The following MYT1L variants were observed in gnomAD, a reference collection of about 807,000 sequenced individuals.
MYT1L encodes the protein myelin transcription factor 1 like.
Under a neutral mutation model 126.7 loss-of-function variants are expected in MYT1L, and 12 were observed. The observed-to-expected ratio is 0.09, with a 90% CI of 0.06 to 0.15. MYT1L has a LOEUF of 0.15. Among genes scored for constraint, MYT1L ranks in the 10% least tolerant of loss-of-function variants. MYT1L has a pLI of 1.00. For missense variants in MYT1L, 979 were observed against 1,585.2 expected, an observed-to-expected ratio of 0.62 and a Z score of 6.49; for synonymous variants, 541 against 604.2, an observed-to-expected ratio of 0.90 and a Z score of 1.53.
In MYT1L at chr2:1,830,747, G is replaced by A. The variant is rs537355300; in HGVS notation, c.3080+8402C>T. Among the ~76,000 whole-genome samples, 14 of 152,232 alleles carry A rather than the reference G, an allele frequency of 9.2e-5. No homozygotes were observed. The South Asian group carries it at 2.7e-3, about 29-fold the overall frequency. On this transcript the variant is annotated intron_variant, in intron 21 of 24. Coordinates refer to ENST00000647738, the MANE Select transcript of MYT1L (RefSeq NM_001303052.2). ...CCTGGGGAACTGTGGAGGGTGGCAGGAGTCCTTCCCTCAGGAGCCTCTTCC... is the reference window on the plus strand; with the variant it reads ...CCTGGGGAACTGTGGAGGGTGGCAGAAGTCCTTCCCTCAGGAGCCTCTTCC...
intron 1 of MYT1L, among the ~76,000 whole-genome samples, chr2:2,299,440 G>A (rs1057262293): frequency 7.9e-5 from 12 of 152,242 alleles, no homozygotes; most frequent in African/African-American, 2.7e-4. Context: ...AGGAGGCCAT[G>A]CTTGTGATTT....
At chr2:2,103,088 AG>A (rs1164137320) in intron 3 of MYT1L, among the ~76,000 whole-genome samples, 1 of 152,098 alleles carries the variant, frequency 6.6e-6, no homozygotes, top group African/African-American at 2.4e-5. Flanking sequence ...GAGGAGGTTG[AG>A]AAAATTCCTC....
chr2:2,232,979 A>G (rs2094195847), intron 2 of MYT1L, among the ~76,000 whole-genome samples: 1 of 152,198 alleles, frequency 6.6e-6, no homozygotes, highest in African/African-American at 2.4e-5. Context: ...CATAGAATTT[A>G]GCTTGAAAAA....
At chr2:2,262,754 G>A (rs1401346194) in intron 2 of MYT1L, among the ~76,000 whole-genome samples, 1 of 150,598 alleles carries the variant, frequency 6.6e-6, no homozygotes, top group Admixed American at 6.6e-5. Context: ...TTTGCAGCTG[G>A]TTGGAGCTTT....
chr2:2,086,281 A>G (rs1371380209), intron 3 of MYT1L, among the ~76,000 whole-genome samples: 1 of 152,230 alleles, frequency 6.6e-6, no homozygotes. Flanking sequence ...GCACTCCATC[A>G]AAGTATGGGG....
chr2:2,123,003 A>T (rs1423160241), intron 3 of MYT1L, among the ~76,000 whole-genome samples: 1 of 152,044 alleles, frequency 6.6e-6, no homozygotes, highest in Non-Finnish European at 1.5e-5. Context: ...GAGGGAATGA[A>T]TGCAAACTGA....
intron 1 of MYT1L, among the ~76,000 whole-genome samples, chr2:2,296,325 G>A (rs2095693064): frequency 6.6e-6 from 1 of 152,090 alleles, no homozygotes; most frequent in Admixed American, 6.5e-5. Flanking sequence ...ACAATGCTTG[G>A]CCTGTTTGGT....
chr2:2,191,402 T>C (rs2092583642), intron 2 of MYT1L, among the ~76,000 whole-genome samples: 1 of 152,202 alleles, frequency 6.6e-6, no homozygotes, highest in African/African-American at 2.4e-5. Flanking sequence ...ATATCCATTA[T>C]GAAGAACATG....
At position 1,900,338 on chromosome 2, in the gene MYT1L, T is replaced by C. The variant is rs563638342; in HGVS notation, c.2032+2742A>G. The stretch of plus-strand genomic sequence containing the variant: ...TCTTGAAGATGGAGTCTCGCTCTGT[T>C]GCCCAGGCTGGAGTGCAGTGGCATG... On this transcript the variant is annotated intron_variant, in intron 14 of 24. Coordinates refer to ENST00000647738, the MANE Select transcript of MYT1L (RefSeq NM_001303052.2). Among the ~76,000 whole-genome samples, 270 of 151,962 alleles carry C rather than the reference T, an allele frequency of 1.8e-3. 1 individual carries two copies. The highest frequency in any genetic ancestry group is 6.3e-3 in the African/African-American group (262 of 41,430).
At chr2:1,818,079 G>GCTCC (rs1257965978) in intron 21 of MYT1L, among the ~76,000 whole-genome samples, 1 of 149,780 alleles carries the variant, frequency 6.7e-6, no homozygotes, top group Admixed American at 6.6e-5. Flanking sequence ...AGCTCCGGGA[G>GCTCC]GCCCTGACAT....
chr2:2,153,389 A>T (rs2086142699), intron 3 of MYT1L, among the ~76,000 whole-genome samples: 1 of 152,228 alleles, frequency 6.6e-6, no homozygotes. Context: ...AACAGATACC[A>T]CCTGGGGCTT....
At chr2:2,254,259 G>A (rs555993206) in intron 2 of MYT1L, among the ~76,000 whole-genome samples, 1 of 152,298 alleles carries the variant, frequency 6.6e-6, no homozygotes, top group East Asian at 1.9e-4. Context: ...TGCCGTTCAT[G>A]GGGAAAATCT....
chr2:2,177,701 C>T (rs1042187546), intron 2 of MYT1L, among the ~76,000 whole-genome samples: 31 of 152,158 alleles, frequency 2.0e-4, no homozygotes, highest in Non-Finnish European at 3.5e-4. Flanking sequence ...GGAAAACTGC[C>T]TTATAAAACC....
intron 4 of MYT1L, among the ~76,000 whole-genome samples, chr2:2,025,080 C>G (rs974426873): frequency 6.6e-6 from 1 of 152,182 alleles, no homozygotes. Context: ...TGGACATGTT[C>G]TGTGTTTTTA....
Position 1,896,927 on chromosome 2 carries a change from TA to T in MYT1L, c.2033-4641del, listed in dbSNP as rs543183840. Among the ~76,000 whole-genome samples the T allele has an allele frequency of 1.6e-3, 246 of 152,332 alleles. 1 individual carries two copies. The highest frequency in any genetic ancestry group is 5.7e-3 in the African/African-American group (236 of 41,570). ...ATCACCTTAAATTATCCTGAAGTTA[TA>T]AAATGTAGATGTGACGATGCATTGA... is the stretch of plus-strand genomic sequence containing the variant. On this transcript the variant is annotated intron_variant, in intron 14 of 24. Coordinates refer to ENST00000647738, the MANE Select transcript of MYT1L (RefSeq NM_001303052.2).
intron 3 of MYT1L, among the ~76,000 whole-genome samples, chr2:2,130,059 A>G (rs1015617368): frequency 3.3e-5 from 5 of 152,098 alleles, no homozygotes; most frequent in Non-Finnish European, 7.4e-5. Context: ...CAGCAATCTA[A>G]TGGTAGATTG....
At position 1,887,679 on chromosome 2, in the gene MYT1L, G is replaced by C; in HGVS notation, c.2521-70C>G. ...GCACACAGACTGAGGGAGGTGGTTC[G>C]TGGCTCTGGGGTGGCCTCTACATCT... On this transcript the variant is annotated intron_variant, in intron 16 of 24. Coordinates refer to ENST00000647738, the MANE Select transcript of MYT1L (RefSeq NM_001303052.2). This position sits in a 1 kb window ranked among gnomAD's most constrained non-coding sequence, Gnocchi z 4.8. The C allele has an allele frequency of 6.2e-7, 1 of 1,604,320 alleles. No individual in the cohort carries two copies.
At chr2:2,030,964 T>C (rs1385979091) in intron 4 of MYT1L, among the ~76,000 whole-genome samples, 4 of 152,238 alleles carry the variant, frequency 2.6e-5, no homozygotes, top group Admixed American at 2.6e-4. Context: ...AGTTTCTGGT[T>C]TCTCACATTG....
In MYT1L at chr2:1,790,447, A is replaced by G. The variant is rs746643936; in HGVS notation, c.*1420T>C. On this transcript the variant is annotated 3_prime_UTR_variant, in exon 25 of 25. Transcript: ENST00000647738. ...ATATAGTGCAGTCATTGGGAGTAAA[A>G]CAATCAAATCTGGAAGGTATAAACA... 5.3e-5 allele frequency: 8 copies of G among 152,234 alleles called. No homozygotes were observed. The highest frequency in any genetic ancestry group is 2.4e-5 in the African/African-American group (1 of 41,458). 9.4% of individuals were successfully genotyped at this position (152,234 alleles called of 1,614,324 possible).
Sources: allele counts gnomAD v4.1 joint callset (sites outside exome capture counted in the v4.1 genomes callset), GRCh38; gene constraint gnomAD v4.1.1; non-coding constraint Gnocchi (gnomAD v3.1); transcripts MANE v1.5; gene names NCBI Gene and HGNC (gene_info 2026-07-23, HGNC 2026-07-21).